KHDC1: variants seen among roughly 807,000 people sequenced by gnomAD.
KHDC1 encodes the protein KH domain containing 1.
KHDC1 carries 21 observed loss-of-function variants against 24.7 expected under a neutral mutation model. The observed-to-expected ratio is 0.85, with a 90% CI of 0.60 to 1.23. The LOEUF is 1.23. Ranked by LOEUF, KHDC1 falls within the 50% of genes most tolerant of loss-of-function variation. KHDC1 has a pLI of 0.00. For missense variants in KHDC1, 274 were observed against 298.5 expected (o/e 0.92, Z 0.61); for synonymous variants, 98 against 111.7 (o/e 0.88, Z 0.77).
intron 2 of KHDC1, among the ~76,000 whole-genome samples, chr6:73,272,566 G>A (rs940094160): frequency 3.3e-5 from 5 of 151,902 alleles, no homozygotes; most frequent in Non-Finnish European, 4.4e-5. Context: ...ACTTCAGATC[G>A]GAGTTCCAGA....
intron 1 of KHDC1, among the ~76,000 whole-genome samples, chr6:73,297,234 TAC>T (rs1327893257): frequency 2.4e-4 from 37 of 152,246 alleles, no homozygotes; most frequent in African/African-American, 8.9e-4. Flanking sequence ...CTGTATACAA[TAC>T]ACACAGTTTG....
chr6:73,306,774 C>T (rs372074914), intron 1 of KHDC1, among the ~76,000 whole-genome samples: 12 of 152,112 alleles, frequency 7.9e-5, no homozygotes, highest in African/African-American at 2.2e-4. Flanking sequence ...TTTGGGAGGC[C>T]GAGGCAGGCA....
chr6:73,255,330 C>T (rs550727639), intron 2 of KHDC1, among the ~76,000 whole-genome samples: 1 of 150,510 alleles, frequency 6.6e-6, no homozygotes, highest in South Asian at 2.1e-4. Context: ...AGCAATTCTC[C>T]CACCTCAGTC....
intron 2 of KHDC1, among the ~76,000 whole-genome samples, chr6:73,245,225 C>T (rs537490236): frequency 3.9e-4 from 59 of 152,180 alleles, no homozygotes; most frequent in African/African-American, 1.3e-3. Context: ...TTGGTTTGAT[C>T]GTCTTCTTCT....
At chr6:73,267,804 A>C (rs1358460556) in intron 2 of KHDC1, among the ~76,000 whole-genome samples, 4 of 152,156 alleles carry the variant, frequency 2.6e-5, no homozygotes, top group Non-Finnish European at 5.9e-5. Flanking sequence ...GGATAAACAA[A>C]ATATGATTTA....
At chr6:73,244,702 C>CGG (rs879773407) in intron 2 of KHDC1, among the ~76,000 whole-genome samples, 514 of 36,698 alleles carry the variant, frequency 0.014, 2 homozygotes, top group Middle Eastern at 0.026. Flanking sequence ...GGCGGGGGGG[C>CGG]GGGGGGGGGC....
intron 2 of KHDC1, among the ~76,000 whole-genome samples, chr6:73,255,049 T>C (rs1766856834): frequency 6.6e-6 from 1 of 151,600 alleles, no homozygotes; most frequent in South Asian, 2.1e-4. Context: ...GAAATGATAC[T>C]GTATAGCTGA....
chr6:73,297,813 T>A (rs563836332), intron 1 of KHDC1, among the ~76,000 whole-genome samples: 1 of 152,300 alleles, frequency 6.6e-6, no homozygotes. Flanking sequence ...CATTTGTTTA[T>A]AAAGATTTTC....
At chr6:73,288,803 C>A (rs1313629634) in intron 2 of KHDC1, among the ~76,000 whole-genome samples, 50 of 78,536 alleles carry the variant, frequency 6.4e-4, no homozygotes, top group African/African-American at 1.3e-3. Flanking sequence ...ACCCCCATCT[C>A]AAAAAAAAAA....
At chr6:73,271,643 C>T (rs892281944) in intron 2 of KHDC1, among the ~76,000 whole-genome samples, 1 of 151,632 alleles carries the variant, frequency 6.6e-6, no homozygotes, top group Non-Finnish European at 1.5e-5. Context: ...CCTGTAATCT[C>T]AGCACTATGG....
intron 2 of KHDC1, among the ~76,000 whole-genome samples, chr6:73,247,197 C>G (rs148105423): frequency 5.9e-5 from 9 of 151,730 alleles, no homozygotes; most frequent in African/African-American, 2.2e-4. Flanking sequence ...AGGCTGGTCT[C>G]GAACTCCTGA....
chr6:73,271,559 A>G (rs1228562646), intron 2 of KHDC1, among the ~76,000 whole-genome samples: 2 of 152,042 alleles, frequency 1.3e-5, no homozygotes, highest in African/African-American at 2.4e-5. Context: ...AGAAACATGT[A>G]TGATGCATTC....
At chr6:73,284,042 T>C (rs1402424493) in intron 2 of KHDC1, among the ~76,000 whole-genome samples, 3 of 151,864 alleles carry the variant, frequency 2.0e-5, no homozygotes, top group African/African-American at 4.8e-5. Flanking sequence ...CAAACTAACC[T>C]TGGGAGGAGT....
At chr6:73,251,171 G>C (rs928007185) in intron 2 of KHDC1, among the ~76,000 whole-genome samples, 42 of 152,054 alleles carry the variant, frequency 2.8e-4, no homozygotes, top group African/African-American at 9.2e-4. Flanking sequence ...AATAGTTCTG[G>C]CCTTATTGAA....
At chr6:73,305,245 A>T (rs998926416) in intron 1 of KHDC1, among the ~76,000 whole-genome samples, 2 of 151,926 alleles carry the variant, frequency 1.3e-5, no homozygotes, top group African/African-American at 4.8e-5. Flanking sequence ...CCATCTCAAA[A>T]ATATATATAT....
chr6:73,254,471 T>A (rs1467268386), intron 2 of KHDC1, among the ~76,000 whole-genome samples: 13 of 5,898 alleles, frequency 2.2e-3, no homozygotes, highest in African/African-American at 9.9e-3. Flanking sequence ...AAAATAAAAA[T>A]AAATAAATAA....
intron 2 of KHDC1, chr6:73,291,123 G>A: frequency 2.0e-6 from 1 of 499,998 alleles, no homozygotes; most frequent in Admixed American, 2.1e-5. Flanking sequence ...GTTGCAGACT[G>A]GTTTAAAGAC....
At chr6:73,276,380 C>T (rs1190207169) in intron 2 of KHDC1, 5 of 149,712 alleles carry the variant, frequency 3.3e-5, no homozygotes, top group African/African-American at 7.4e-5. Context: ...CCAGCTACTT[C>T]GGAGGCTGAG....
At chr6:73,260,371 C>T (rs2150565311) in intron 2 of KHDC1, among the ~76,000 whole-genome samples, 1 of 152,148 alleles carries the variant, frequency 6.6e-6, no homozygotes, top group African/African-American at 2.4e-5. Flanking sequence ...TCCTCAATGT[C>T]CAGAATAATG....
Sources: allele counts gnomAD v4.1 joint callset (sites outside exome capture counted in the v4.1 genomes callset), GRCh38; gene constraint gnomAD v4.1.1; transcripts MANE v1.5; gene names NCBI Gene and HGNC (gene_info 2026-07-23, HGNC 2026-07-21).